GALNT18: variants seen among roughly 807,000 people sequenced by gnomAD.
GALNT18 encodes polypeptide N-acetylgalactosaminyltransferase 18.
Under a neutral mutation model 69.5 loss-of-function variants are expected in GALNT18, and 44 were observed. That is an observed-to-expected ratio of 0.63 (90% CI 0.50 to 0.81). The LOEUF (loss-of-function observed/expected upper bound fraction) is 0.81, where lower values mean the gene tolerates loss of function less well. Ranked by LOEUF, GALNT18 falls within the 40% of genes least tolerant of loss-of-function variation. The pLI is 0.00. For synonymous variants in GALNT18, 364 were observed against 318.2 expected, an observed-to-expected ratio of 1.14 and a Z score of -1.53; for missense variants, 715 against 810.0, an observed-to-expected ratio of 0.88 and a Z score of 1.42.
chr11:11,567,633 T>C (rs1000071027), intron 1 of GALNT18, among the ~76,000 whole-genome samples: 1 of 152,134 alleles, frequency 6.6e-6, no homozygotes, highest in African/African-American at 2.4e-5. Flanking sequence ...CACCAGGAGA[T>C]GCCCATCACT....
chr11:11,514,517 T>G (rs1215210736), intron 1 of GALNT18, among the ~76,000 whole-genome samples: 1 of 152,162 alleles, frequency 6.6e-6, no homozygotes, highest in Non-Finnish European at 1.5e-5. Context: ...AGGAATCAGT[T>G]TTCTAAATGT....
chr11:11,390,421 A>G (rs960441417), intron 3 of GALNT18, among the ~76,000 whole-genome samples: 24 of 152,264 alleles, frequency 1.6e-4, no homozygotes, highest in Non-Finnish European at 2.5e-4. Context: ...TAGAAAACAT[A>G]CACCAGGCAA....
intron 9 of GALNT18, among the ~76,000 whole-genome samples, chr11:11,297,293 C>T (rs1218161260): frequency 6.6e-6 from 1 of 152,202 alleles, no homozygotes; most frequent in Non-Finnish European, 1.5e-5. Context: ...CTGTGCCAGA[C>T]ATGAAATGAC....
At chr11:11,429,289 C>T (rs1030059837) in intron 3 of GALNT18, among the ~76,000 whole-genome samples, 1 of 152,066 alleles carries the variant, frequency 6.6e-6, no homozygotes, top group African/African-American at 2.4e-5. Context: ...CCGAGCATTC[C>T]TCCTCTCTCA....
rs1860040861 is a variant in GALNT18, at chr11:11,616,112, A to C, written c.235+5247T>G. Among the ~76,000 whole-genome samples, 1 of 152,134 alleles carries C rather than the reference A, an allele frequency of 6.6e-6. No homozygotes were observed. Among genetic ancestry groups the C allele is most frequent in the South Asian group, 2.1e-4 (1 of 4,826 alleles). On this transcript the variant is annotated intron_variant, in intron 1 of 10. Coordinates refer to ENST00000227756, the MANE Select transcript of GALNT18 (RefSeq NM_198516.3). The surrounding 1 kb of genome is among the most constrained non-coding windows in gnomAD (Gnocchi z 4.4). ...TGGCCTCCTAAAGTGCTGGGATTATAGGTATAAGCCACCACGCCTGGCCAA... is the reference window on the plus strand; with the variant it reads ...TGGCCTCCTAAAGTGCTGGGATTATCGGTATAAGCCACCACGCCTGGCCAA...
chr11:11,483,515 C>G (rs1856579386), intron 1 of GALNT18, among the ~76,000 whole-genome samples: 1 of 152,214 alleles, frequency 6.6e-6, no homozygotes, highest in African/African-American at 2.4e-5. Context: ...AAAGGCCATT[C>G]ATTCTGGAGA....
intron 1 of GALNT18, among the ~76,000 whole-genome samples, chr11:11,525,760 G>A (rs1388249143): frequency 3.4e-5 from 5 of 148,544 alleles, no homozygotes; most frequent in South Asian, 2.2e-4. Context: ...TCAGCCTCCC[G>A]AGTAGCTGGG....
chr11:11,579,202 T>C (rs7119466), intron 1 of GALNT18, among the ~76,000 whole-genome samples: 1,742 of 152,208 alleles, frequency 0.011, 27 homozygotes, highest in African/African-American at 0.037. Context: ...AAAGGAAGGC[T>C]CCAGTCCTGC....
At position 11,595,327 on chromosome 11, in the gene GALNT18, AC is replaced by A. The variant is rs1419288194; in HGVS notation, c.235+26031del. Among the ~76,000 whole-genome samples the A allele has an allele frequency of 2.0e-5, 3 of 152,254 alleles. No homozygotes were observed. In the East Asian group the frequency reaches 5.8e-4, roughly 29 times the overall value. On this transcript the variant is annotated intron_variant, in intron 1 of 10. Transcript: ENST00000227756. This position sits in a 1 kb window ranked among gnomAD's most constrained non-coding sequence, Gnocchi z 5.2. ...CTCAGGGAGCTAGTTAGCCCCTTTT[AC>A]CATGTGAGGACACAGCAAGAAGTCA...
At chr11:11,376,849 A>G (rs938253197) in intron 5 of GALNT18, among the ~76,000 whole-genome samples, 13 of 152,148 alleles carry the variant, frequency 8.5e-5, no homozygotes, top group African/African-American at 2.9e-4. Flanking sequence ...TCCTATTCCA[A>G]TGATTTTGTC....
At chr11:11,279,091 G>C (rs1036926439) in intron 10 of GALNT18, among the ~76,000 whole-genome samples, 1 of 151,922 alleles carries the variant, frequency 6.6e-6, no homozygotes, top group African/African-American at 2.4e-5. Context: ...TGAGAAGTGG[G>C]CTCTCTCCGC....
At chr11:11,517,148 C>A (rs1410347910) in intron 1 of GALNT18, among the ~76,000 whole-genome samples, 1 of 152,240 alleles carries the variant, frequency 6.6e-6, no homozygotes, top group Non-Finnish European at 1.5e-5. Context: ...TGATCTTGGA[C>A]TTCCAGCCTC....
intron 2 of GALNT18, among the ~76,000 whole-genome samples, chr11:11,433,914 C>T (rs1855336505): frequency 6.6e-6 from 1 of 152,172 alleles, no homozygotes; most frequent in South Asian, 2.1e-4. Context: ...GGCGTTAGGG[C>T]TGGTGACCAT....
intron 1 of GALNT18, among the ~76,000 whole-genome samples, chr11:11,560,130 GGGATA>G (rs1426206331): frequency 7.9e-5 from 12 of 151,508 alleles, no homozygotes; most frequent in African/African-American, 1.2e-4. Flanking sequence ...GGGATGGGAT[GGGATA>G]GAATAGAATG....
rs971774291 is a variant in GALNT18, at chr11:11,435,570, GC to G, written c.429-2784del. Reference sequence around the variant, plus strand: ...GTCTGCCCCTCTCTACTAGAATGAAGCCCCCTGAGAGCAGGAACTTTGCTTT... The same window carrying G: ...GTCTGCCCCTCTCTACTAGAATGAAGCCCCTGAGAGCAGGAACTTTGCTTT... On this transcript the variant is annotated intron_variant, in intron 2 of 10. Coordinates refer to ENST00000227756, the MANE Select transcript of GALNT18 (RefSeq NM_198516.3). This position sits in a 1 kb window ranked among gnomAD's most constrained non-coding sequence, Gnocchi z 4.4. Among the ~76,000 whole-genome samples, 1 of 152,146 alleles carries G rather than the reference GC, an allele frequency of 6.6e-6. No individual in the cohort carries two copies. Among genetic ancestry groups the G allele is most frequent in the Non-Finnish European group, 1.5e-5 (1 of 68,026 alleles).
At chr11:11,576,946 C>T (rs188940890) in intron 1 of GALNT18, among the ~76,000 whole-genome samples, 7 of 152,248 alleles carry the variant, frequency 4.6e-5, no homozygotes, top group Middle Eastern at 3.4e-3. Flanking sequence ...CAGGCCTTCA[C>T]GACTGTTCAG....
At chr11:11,516,325 C>T (rs1857275315) in intron 1 of GALNT18, among the ~76,000 whole-genome samples, 1 of 152,222 alleles carries the variant, frequency 6.6e-6, no homozygotes, top group Non-Finnish European at 1.5e-5. Flanking sequence ...CTCGTCTCAG[C>T]ACTAAGTGGC....
chr11:11,600,931 A>C lies in GALNT18; in HGVS notation c.235+20428T>G, dbSNP rs1410743235. On this transcript the variant is annotated intron_variant, in intron 1 of 10. Coordinates refer to ENST00000227756, the MANE Select transcript of GALNT18 (RefSeq NM_198516.3). This position sits in a 1 kb window ranked among gnomAD's most constrained non-coding sequence, Gnocchi z 4.8. ...ACTCAAATATATTTTTAAGTGCCCCAGTGATTTTTTCTTTTCATTTCTTAA... is the reference window on the plus strand; with the variant it reads ...ACTCAAATATATTTTTAAGTGCCCCCGTGATTTTTTCTTTTCATTTCTTAA... Among the ~76,000 whole-genome samples the C allele has an allele frequency of 1.3e-5, 2 of 152,160 alleles. No individual in the cohort carries two copies. The highest frequency in any genetic ancestry group is 4.8e-5 in the African/African-American group (2 of 41,530).
intron 1 of GALNT18, among the ~76,000 whole-genome samples, chr11:11,578,712 C>A (rs745754821): frequency 1.3e-5 from 2 of 152,244 alleles, no homozygotes; most frequent in Non-Finnish European, 2.9e-5. Flanking sequence ...CTCCTGTGCG[C>A]AGGACAAATG....
Sources: allele counts gnomAD v4.1 joint callset (sites outside exome capture counted in the v4.1 genomes callset), GRCh38; gene constraint gnomAD v4.1.1; non-coding constraint Gnocchi (gnomAD v3.1); transcripts MANE v1.5; gene names NCBI Gene and HGNC (gene_info 2026-07-23, HGNC 2026-07-21).